The following KSR2 variants were observed in gnomAD, a reference collection of about 807,000 sequenced individuals.
The protein encoded by KSR2 is kinase suppressor of ras 2.
In KSR2, 25 loss-of-function variants were observed where a neutral mutation model predicts 107.8. That is an observed-to-expected ratio of 0.23 (90% CI 0.17 to 0.32). The LOEUF (loss-of-function observed/expected upper bound fraction) is 0.32. Among genes scored for constraint, KSR2 ranks in the 10% least tolerant of loss-of-function variants. The pLI is 1.00. For missense variants in KSR2, 887 were observed against 1,268.9 expected (o/e 0.70, Z 4.57); for synonymous variants, 480 against 507.0 (o/e 0.95, Z 0.71).
intron 7 of KSR2, among the ~76,000 whole-genome samples, chr12:117,571,428 G>GGATTTTGCA (rs1353354754): frequency 2.6e-5 from 4 of 152,136 alleles, no homozygotes; most frequent in African/African-American, 9.7e-5. Context: ...AAGGAGGCTG[G>GGATTTTGCA]GATTTTGCAC....
At chr12:117,502,965 TGGGGCGGACACTGAGAGGAA>T (rs1354211354) in intron 14 of KSR2, among the ~76,000 whole-genome samples, 6 of 152,090 alleles carry the variant, frequency 3.9e-5, no homozygotes, top group Non-Finnish European at 7.4e-5. Context: ...GGCAAGATAT[TGGGGCGGACACTGAGAGGAA>T]AACAAACTAT....
At chr12:117,478,656 G>A (rs1180786467) in intron 16 of KSR2, among the ~76,000 whole-genome samples, 1 of 151,554 alleles carries the variant, frequency 6.6e-6, no homozygotes, top group East Asian at 1.9e-4. Context: ...TTGCTATGTT[G>A]CCCAGGCTGG....
chr12:117,541,390 G>C (rs1320316707), intron 9 of KSR2, among the ~76,000 whole-genome samples: 4 of 152,212 alleles, frequency 2.6e-5, no homozygotes, highest in Admixed American at 2.6e-4. Flanking sequence ...TGTTCTCCTG[G>C]AAAGGGACAG....
At chr12:117,650,889 G>A (rs1451648620) in intron 5 of KSR2, among the ~76,000 whole-genome samples, 3 of 152,202 alleles carry the variant, frequency 2.0e-5, no homozygotes, top group African/African-American at 4.8e-5. Context: ...CTTATCTCCT[G>A]TAGAGAAAGA....
At chr12:117,824,275 T>C (rs1891662387) in intron 3 of KSR2, among the ~76,000 whole-genome samples, 1 of 151,934 alleles carries the variant, frequency 6.6e-6, no homozygotes, top group African/African-American at 2.4e-5. Context: ...GGAGGGGGTA[T>C]GACGACAAGT....
Position 117,880,549 on chromosome 12 carries a change from A to G in KSR2, c.181-20118T>C, listed in dbSNP as rs574862763. Among the ~76,000 whole-genome samples, 20 of 152,236 alleles carry G rather than the reference A, an allele frequency of 1.3e-4. No individual in the cohort carries two copies. In the Middle Eastern group the frequency reaches 0.01, roughly 78 times the overall value. On this transcript the variant is annotated intron_variant, in intron 1 of 19. Transcript: ENST00000339824. ...ACAGGCTCCTGAAGAAAATGAGACAAGTTATGAGGCAGACCTGGGCTGGGA... is the reference window on the plus strand; with the variant it reads ...ACAGGCTCCTGAAGAAAATGAGACAGGTTATGAGGCAGACCTGGGCTGGGA...
chr12:117,648,641 G>A (rs7136309), intron 5 of KSR2, among the ~76,000 whole-genome samples: 66,987 of 152,110 alleles, frequency 0.44, 17,948 homozygotes, highest in Non-Finnish European at 0.6. Flanking sequence ...TTGCCAGGAA[G>A]GTATTGCTAT....
chr12:117,729,140 CTT>C (rs78615056), intron 4 of KSR2, among the ~76,000 whole-genome samples: 34 of 140,582 alleles, frequency 2.4e-4, no homozygotes, highest in South Asian at 1.6e-3. Context: ...CAGCAGGAAA[CTT>C]TTTTTTTTTT....
At position 117,920,457 on chromosome 12, in the gene KSR2, T is replaced by C. The variant is rs141174317; in HGVS notation, c.180+47619A>G. 1.0e-3 allele frequency among the ~76,000 whole-genome samples: 153 copies of C among 152,104 alleles called. 2 individuals carry two copies. The East Asian group carries it at 0.023, about 23-fold the overall frequency. ...AGAATATAGGTCTTATGATGGTGGC[T>C]TTGACCTGGAATAAGAAAAGAACAA... On this transcript the variant is annotated intron_variant, in intron 1 of 19. Coordinates refer to ENST00000339824, the MANE Select transcript of KSR2 (RefSeq NM_173598.6).
intron 1 of KSR2, among the ~76,000 whole-genome samples, chr12:117,960,281 T>G (rs1896621897): frequency 6.6e-6 from 1 of 152,222 alleles, no homozygotes. Flanking sequence ...TGTGGTATAT[T>G]GTGACATTAG....
intron 11 of KSR2, 43 bp downstream of exon 11, chr12:117,531,623 G>A (rs1398309351): frequency 1.3e-6 from 2 of 1,571,224 alleles, no homozygotes; most frequent in Non-Finnish European, 1.7e-6. Flanking sequence ...AATGCAGCGG[G>A]GCTTGTTCAG....
chr12:117,700,601 C>T (rs1013974120), intron 4 of KSR2, among the ~76,000 whole-genome samples: 2 of 152,218 alleles, frequency 1.3e-5, no homozygotes, highest in African/African-American at 2.4e-5. Flanking sequence ...TGATGCTTCA[C>T]GGATGCTACG....
At chr12:117,925,426 T>C (rs1388444000) in intron 1 of KSR2, among the ~76,000 whole-genome samples, 1 of 152,244 alleles carries the variant, frequency 6.6e-6, no homozygotes, top group African/African-American at 2.4e-5. Flanking sequence ...GTCCAGCTTA[T>C]ATTTTCTTTT....
chr12:117,685,500 G>A (rs1593128727), intron 4 of KSR2, among the ~76,000 whole-genome samples: 4 of 152,308 alleles, frequency 2.6e-5, no homozygotes, highest in South Asian at 2.1e-4. Flanking sequence ...CTGTCTCCCC[G>A]GGGCTGATGG....
At chr12:117,898,797 A>G (rs894969666) in intron 1 of KSR2, among the ~76,000 whole-genome samples, 4 of 152,116 alleles carry the variant, frequency 2.6e-5, no homozygotes, top group African/African-American at 9.7e-5. Context: ...AGGGAACTGG[A>G]GATTATGTTA....
intron 4 of KSR2, among the ~76,000 whole-genome samples, chr12:117,759,258 G>A (rs1888910809): frequency 6.6e-6 from 1 of 152,126 alleles, no homozygotes; most frequent in Non-Finnish European, 1.5e-5. Context: ...GGCCAAATTG[G>A]GCCAGGTACC....
At chr12:117,857,877 T>C (rs113769826) in intron 2 of KSR2, among the ~76,000 whole-genome samples, 22 of 152,304 alleles carry the variant, frequency 1.4e-4, no homozygotes, top group African/African-American at 4.6e-4. Context: ...GGTGGACACA[T>C]ACCTGAACTG....
chr12:117,629,248 C>T (rs1193338631), intron 5 of KSR2, among the ~76,000 whole-genome samples: 2 of 152,220 alleles, frequency 1.3e-5, no homozygotes, highest in African/African-American at 4.8e-5. Context: ...CCAGGTACCT[C>T]ATTTGGAAAT....
intron 5 of KSR2, among the ~76,000 whole-genome samples, chr12:117,628,949 C>A (rs1325732016): frequency 6.6e-6 from 1 of 152,236 alleles, no homozygotes; most frequent in Non-Finnish European, 1.5e-5. Context: ...TCTGGCAGAT[C>A]GATCTCGGAC....
Sources: allele counts gnomAD v4.1 joint callset (sites outside exome capture counted in the v4.1 genomes callset), GRCh38; gene constraint gnomAD v4.1.1; transcripts MANE v1.5; gene names NCBI Gene and HGNC (gene_info 2026-07-23, HGNC 2026-07-21).